Variants in HYCC1 observed in about 807,000 individuals in gnomAD.
HYCC1 encodes the protein hyccin.
the HYCC1 span, among the ~76,000 whole-genome samples, chr7:22,993,238 A>T: frequency 6.6e-6 from 1 of 152,210 alleles, no homozygotes; most frequent in Non-Finnish European, 1.5e-5. Context: ...GCAAAAATAA[A>T]AACAGTTTCA....
chr7:22,994,942 T>A, the HYCC1 span, among the ~76,000 whole-genome samples: 2 of 152,172 alleles, frequency 1.3e-5, no homozygotes, highest in Admixed American at 1.3e-4. Context: ...ATCCTAATTC[T>A]GGAAGGACGA....
At chr7:22,999,531 C>T in the HYCC1 span, among the ~76,000 whole-genome samples, 4 of 152,114 alleles carry the variant, frequency 2.6e-5, no homozygotes, top group African/African-American at 9.7e-5. Context: ...ATTAGAAATG[C>T]TTTCTACATA....
At chr7:22,920,850 C>G in the HYCC1 span, among the ~76,000 whole-genome samples, 5 of 152,010 alleles carry the variant, frequency 3.3e-5, no homozygotes, top group Admixed American at 6.6e-5. Context: ...AGGGTGGATC[C>G]CTCATGCATG....
the HYCC1 span, chr7:22,977,302 T>G: frequency 1.6e-6 from 2 of 1,249,468 alleles, no homozygotes; most frequent in Non-Finnish European, 2.4e-6. Flanking sequence ...ATATCAAAGC[T>G]TAGGGTCAAT....
chr7:22,988,475 T>C, the HYCC1 span, among the ~76,000 whole-genome samples: 1 of 152,190 alleles, frequency 6.6e-6, no homozygotes, highest in Non-Finnish European at 1.5e-5. Context: ...ATATTTCCTA[T>C]TTATTCATAC....
At chr7:22,927,388 A>C in the HYCC1 span, among the ~76,000 whole-genome samples, 3 of 152,188 alleles carry the variant, frequency 2.0e-5, no homozygotes, top group Non-Finnish European at 4.4e-5. Context: ...AAATCAATGA[A>C]TCCAGGAGCT....
the HYCC1 span, among the ~76,000 whole-genome samples, chr7:22,923,015 A>G: frequency 2.6e-5 from 4 of 152,220 alleles, no homozygotes; most frequent in Non-Finnish European, 5.9e-5. Context: ...ACTATGCAGA[A>G]GATCAACAAG....
chr7:22,951,387 G>A, the HYCC1 span, among the ~76,000 whole-genome samples: 2 of 151,860 alleles, frequency 1.3e-5, no homozygotes, highest in Admixed American at 1.3e-4. Context: ...GCTCTGACAT[G>A]GGGTGCTTAC....
chr7:22,973,659 A>G, the HYCC1 span, among the ~76,000 whole-genome samples: 4 of 152,120 alleles, frequency 2.6e-5, no homozygotes, highest in Non-Finnish European at 5.9e-5. Context: ...ATCTATTTCT[A>G]CCAAAACTTC....
the HYCC1 span, among the ~76,000 whole-genome samples, chr7:22,931,709 T>C: frequency 4.6e-5 from 7 of 152,230 alleles, no homozygotes; most frequent in South Asian, 4.1e-4. Context: ...AATGTGAACA[T>C]TGAAGATGCT....
the HYCC1 span, chr7:22,941,546 T>C: frequency 9.2e-5 from 14 of 152,138 alleles, no homozygotes; most frequent in East Asian, 7.7e-4. Flanking sequence ...ATAAGTTCCA[T>C]ATAAGAGAAA....
At chr7:22,900,837 G>T in the HYCC1 span, among the ~76,000 whole-genome samples, 2 of 151,976 alleles carry the variant, frequency 1.3e-5, no homozygotes, top group African/African-American at 4.8e-5. Context: ...GTAGAAAAAA[G>T]CAAGACTCAA....
chr7:22,897,710 G>A, the HYCC1 span, among the ~76,000 whole-genome samples: 7 of 151,782 alleles, frequency 4.6e-5, no homozygotes, highest in East Asian at 1.4e-3. Flanking sequence ...GGGCTCAAGC[G>A]ACCCTCACAC....
At chr7:22,926,014 T>C in the HYCC1 span, among the ~76,000 whole-genome samples, 3 of 151,950 alleles carry the variant, frequency 2.0e-5, no homozygotes, top group African/African-American at 7.3e-5. Flanking sequence ...CACAAAAGAG[T>C]GGAGGCCAAT....
At chr7:23,001,943 T>C in the HYCC1 span, among the ~76,000 whole-genome samples, 2 of 151,604 alleles carry the variant, frequency 1.3e-5, no homozygotes, top group Admixed American at 1.3e-4. Context: ...AGTTCTCTAA[T>C]TTAGTTTACC....
chr7:22,984,783 T>C, the HYCC1 span, among the ~76,000 whole-genome samples: 11 of 152,208 alleles, frequency 7.2e-5, no homozygotes, highest in East Asian at 3.9e-4. Context: ...ACTTAACCAA[T>C]TGAAGGGAAA....
At chr7:22,990,562 C>G in the HYCC1 span, among the ~76,000 whole-genome samples, 2 of 152,202 alleles carry the variant, frequency 1.3e-5, no homozygotes. Flanking sequence ...TAGAGAAAAG[C>G]TCATGAGACA....
chr7:22,921,074 G>T, the HYCC1 span, among the ~76,000 whole-genome samples: 1 of 152,166 alleles, frequency 6.6e-6, no homozygotes, highest in Non-Finnish European at 1.5e-5. Context: ...ACAGCCTGCA[G>T]AACTGTGAGC....
chr7:22,927,810 A>G, the HYCC1 span, among the ~76,000 whole-genome samples: 1 of 152,250 alleles, frequency 6.6e-6, no homozygotes, highest in African/African-American at 2.4e-5. Flanking sequence ...AGAGAAAAAG[A>G]GAGAATCCTC....
Sources: allele counts gnomAD v4.1 joint callset (sites outside exome capture counted in the v4.1 genomes callset), GRCh38; gene constraint gnomAD v4.1.1; transcripts MANE v1.5; gene names NCBI Gene and HGNC (gene_info 2026-07-23, HGNC 2026-07-21).